IL1RN: variants seen among roughly 807,000 people sequenced by gnomAD.
IL1RN encodes interleukin-1 receptor antagonist protein.
A neutral mutation model predicts 13.7 loss-of-function variants in IL1RN; 10 were observed. The ratio of observed to expected loss-of-function variants is 0.73; its 90% CI spans 0.45 to 1.24. IL1RN has a LOEUF of 1.24. Ranked by LOEUF, IL1RN falls within the 50% of genes most tolerant of loss-of-function variation. IL1RN has a pLI of 0.00. For missense variants in IL1RN, 213 were observed against 222.1 expected, an observed-to-expected ratio of 0.96 and a Z score of 0.26; for synonymous variants, 102 against 82.7, an observed-to-expected ratio of 1.23 and a Z score of -1.27.
the IL1RN span, among the ~76,000 whole-genome samples, chr2:113,099,719 C>CCTTCTTTTT: frequency 5.1e-3 from 411 of 80,454 alleles, 50 homozygotes; most frequent in Non-Finnish European, 7.4e-3. Context: ...GCATCCTCTT[C>CCTTCTTTTT]TTTCTTTTCT....
upstream of IL1RN, among the ~76,000 whole-genome samples, chr2:113,114,210 G>A (rs1686549917): frequency 6.6e-6 from 1 of 152,196 alleles, no homozygotes; most frequent in Admixed American, 6.5e-5. Flanking sequence ...TATCATTCCT[G>A]CCTCTATCTG....
intron 2 of IL1RN, 141 bp from the exon 3 acceptor site, chr2:113,130,904 G>C (rs1687143326): frequency 5.8e-6 from 4 of 693,582 alleles, no homozygotes; most frequent in Non-Finnish European, 7.9e-6. Context: ...CTGCAGACCA[G>C]GAAGATGAGA....
upstream of IL1RN, among the ~76,000 whole-genome samples, chr2:113,109,135 T>TA (rs1399962934): frequency 1.3e-5 from 2 of 151,764 alleles, no homozygotes; most frequent in Admixed American, 6.6e-5. Flanking sequence ...TAAAATAAAA[T>TA]AAAAAATTAA....
chr2:113,121,747 G>A, intron 2 of IL1RN: 3 of 335,844 alleles, frequency 8.9e-6, no homozygotes, highest in Non-Finnish European at 1.3e-5. Flanking sequence ...AGCAAGCCTG[G>A]GGGCTGCAGC....
At chr2:113,129,706 T>A (rs1553469844) in intron 2 of IL1RN, 42 bp downstream of exon 2, 2 of 1,282,868 alleles carry the variant, frequency 1.6e-6, no homozygotes, top group Non-Finnish European at 2.3e-6. Context: ...GGGCATCACG[T>A]CACTTTGCCC....
chr2:113,120,052 C>T lies in IL1RN; in HGVS notation c.11-14C>T. 4 of 1,610,342 alleles carry T rather than the reference C, an allele frequency of 2.5e-6. No homozygotes were observed. Among genetic ancestry groups the T allele is most frequent in the Non-Finnish European group, 3.4e-6 (4 of 1,177,060 alleles). On this transcript the variant is annotated splice_polypyrimidine_tract_variant and intron_variant, in intron 1 of 5. Coordinates refer to the IL1RN transcript ENST00000259206. The stretch of plus-strand genomic sequence containing the variant: ...TTCTCTCTACACAATGGGGTCCCAC[C>T]ACTTCCCTTACAGCTGACTTGTATG...
At position 113,133,195 on chromosome 2, in the gene IL1RN, C is replaced by A. The variant is rs555911026; in HGVS notation, c.*324C>A. On this transcript the variant is annotated 3_prime_UTR_variant, in exon 4 of 4. Transcript: ENST00000409930. The stretch of plus-strand genomic sequence containing the variant: ...TGCTCTCCTCTTGCCACTGCCTCTT[C>A]CTCCCTCATTCCACCTTCCCATGCC... 1 of 429,260 alleles carries A rather than the reference C, an allele frequency of 2.3e-6. No homozygotes were observed. The allele number at this position is 429,260 out of a possible 1,614,324, so 26.6% of individuals were successfully genotyped here.
chr2:113,121,141 G>A (rs77473202), intron 2 of IL1RN, among the ~76,000 whole-genome samples: 7 of 147,674 alleles, frequency 4.7e-5, no homozygotes, highest in East Asian at 2.0e-4. Flanking sequence ...CTTCTTCATC[G>A]TCTTCGTCTT....
At chr2:113,104,517 A>C (rs1199325466), upstream of IL1RN, among the ~76,000 whole-genome samples, 3 of 152,152 alleles carry the variant, frequency 2.0e-5, no homozygotes, top group Admixed American at 6.5e-5. Context: ...GGATTTCCGC[A>C]GTGTCTGAGT....
upstream of IL1RN, chr2:113,117,749 G>C: frequency 1.7e-6 from 1 of 587,218 alleles, no homozygotes; most frequent in Non-Finnish European, 3.0e-6. Context: ...CTGCTAGCCT[G>C]AGTCACCCTC....
At chr2:113,131,235 G>C (rs1028241176) in intron 3 of IL1RN, 78 bp downstream of exon 3, 54 of 870,964 alleles carry the variant, frequency 6.2e-5, no homozygotes, top group Non-Finnish European at 9.7e-5. Context: ...TTATGATTCT[G>C]TGGGTTGACC....
chr2:113,111,645 C>T (rs1686497986), intron 1 of IL1RN, among the ~76,000 whole-genome samples: 1 of 152,252 alleles, frequency 6.6e-6, no homozygotes, highest in Admixed American at 6.5e-5. Flanking sequence ...CAGTGCCACC[C>T]TACCTCCTGG....
chr2:113,123,848 T>G (rs1422212322), upstream of IL1RN, among the ~76,000 whole-genome samples: 1 of 152,110 alleles, frequency 6.6e-6, no homozygotes, highest in Non-Finnish European at 1.5e-5. Flanking sequence ...AACTAACAAC[T>G]GTACAAAAAA....
intron 2 of IL1RN, chr2:113,121,446 A>G: frequency 7.1e-6 from 7 of 985,350 alleles, no homozygotes; most frequent in Non-Finnish European, 8.4e-6. Flanking sequence ...TCCTGTCTGC[A>G]GGGGGATTAT....
chr2:113,121,978 G>A (rs2104441635), intron 2 of IL1RN, among the ~76,000 whole-genome samples: 1 of 152,322 alleles, frequency 6.6e-6, no homozygotes, highest in Admixed American at 6.5e-5. Flanking sequence ...ACCCATGACT[G>A]GGAAAGAGCA....
At chr2:113,103,227 G>T (rs565080707), upstream of IL1RN, among the ~76,000 whole-genome samples, 1 of 152,310 alleles carries the variant, frequency 6.6e-6, no homozygotes, top group Admixed American at 6.5e-5. Context: ...ACAGGCCTGG[G>T]AGTCTGAAAG....
At chr2:113,106,953 A>G (rs938557801), upstream of IL1RN, among the ~76,000 whole-genome samples, 8 of 152,244 alleles carry the variant, frequency 5.3e-5, no homozygotes, top group African/African-American at 9.6e-5. Context: ...ACTCAAGTCA[A>G]TAGGTTTAAA....
chr2:113,104,362 G>A (rs1386671763), upstream of IL1RN, among the ~76,000 whole-genome samples: 1 of 152,116 alleles, frequency 6.6e-6, no homozygotes, highest in African/African-American at 2.4e-5. Flanking sequence ...TGGGTGTTCT[G>A]GGGGATGTTA....
chr2:113,109,049 AAAC>A (rs200738665), upstream of IL1RN, among the ~76,000 whole-genome samples: 3,717 of 152,228 alleles, frequency 0.024, 146 homozygotes, highest in African/African-American at 0.086. Context: ...TGGAATAAGA[AAAC>A]AATAGCAACC....
Sources: allele counts gnomAD v4.1 joint callset (sites outside exome capture counted in the v4.1 genomes callset), GRCh38; gene constraint gnomAD v4.1.1; transcripts MANE v1.5; gene names NCBI Gene and HGNC (gene_info 2026-07-23, HGNC 2026-07-21).